The following PDS5B variants were observed in gnomAD, a reference collection of about 807,000 sequenced individuals.
The protein encoded by PDS5B is PDS5 cohesin associated factor B.
PDS5B carries 51 observed loss-of-function variants against 184.1 expected under a neutral mutation model. The ratio of observed to expected loss-of-function variants is 0.28; its 90% CI spans 0.22 to 0.35. The LOEUF (loss-of-function observed/expected upper bound fraction) is 0.35. Ranked by LOEUF, PDS5B falls within the 10% of genes least tolerant of loss-of-function variation. PDS5B has a pLI of 1.00. For missense variants in PDS5B, 1,180 were observed against 1,723.3 expected, an observed-to-expected ratio of 0.68 and a Z score of 5.58; for synonymous variants, 566 against 569.2, an observed-to-expected ratio of 0.99 and a Z score of 0.08.
chr13:32,703,702 C>T (rs961155413), intron 17 of PDS5B, among the ~76,000 whole-genome samples: 1 of 152,088 alleles, frequency 6.6e-6, no homozygotes, highest in African/African-American at 2.4e-5. Context: ...TTTTAGTCCC[C>T]TATAGTAGTC....
In PDS5B at chr13:32,775,005, T is replaced by TTTAC. The variant is rs763713881; in HGVS notation, c.4309-10_4309-9insACTT. 8 of 1,612,366 alleles carry TTTAC rather than the reference T, an allele frequency of 5.0e-6. No homozygotes were observed. In the African/African-American group the frequency reaches 6.7e-5, roughly 13 times the overall value. ...CCATTTTAATTAAGCATCTGGTGAC[T>TTTAC]TTCCTTTTAAGGTACGGCGGCGAAG... is the stretch of plus-strand genomic sequence containing the variant. On this transcript the variant is annotated splice_polypyrimidine_tract_variant and intron_variant, in intron 34 of 34. Transcript: ENST00000315596.
Position 32,770,339 on chromosome 13 carries a change from G to C in PDS5B, c.3843G>C (p.Gln1281His). The C allele has an allele frequency of 6.2e-7, 1 of 1,612,398 alleles. No individual in the cohort carries two copies. The highest frequency in any genetic ancestry group is 8.5e-7 in the Non-Finnish European group (1 of 1,179,610). ...KEDILENEDE[Q>H]NSPPKKGKRG... ...ATATATTAGAAAATGAAGATGAACAGAATAGTCCGCCAAAAAAGGGTAAAA... is the reference window on the plus strand; with the variant it reads ...ATATATTAGAAAATGAAGATGAACACAATAGTCCGCCAAAAAAGGGTAAAA... The change falls in exon 32 of 35, where the codon CAG (glutamine) becomes CAC (histidine). Residue 1281 changes from glutamine (Q) to histidine (H), a missense_variant. This residue lies in a region of PDS5B where 465 missense variants were observed against 497.8 expected (regional missense o/e 0.93). Transcript: ENST00000315596.
intron 23 of PDS5B, among the ~76,000 whole-genome samples, chr13:32,745,701 T>TA (rs1953717479): frequency 6.6e-6 from 1 of 152,030 alleles, no homozygotes; most frequent in South Asian, 2.1e-4. Flanking sequence ...GCAGAAGCGG[T>TA]AAACAAGCCC....
chr13:32,684,630 C>A (rs1220363993), intron 11 of PDS5B, among the ~76,000 whole-genome samples: 1 of 152,156 alleles, frequency 6.6e-6, no homozygotes, highest in East Asian at 1.9e-4. Flanking sequence ...ATTAGGCACT[C>A]AGGAAATACT....
intron 1 of PDS5B, among the ~76,000 whole-genome samples, chr13:32,640,972 G>A (rs1593313496): frequency 6.6e-6 from 1 of 151,556 alleles, no homozygotes; most frequent in Admixed American, 6.6e-5. Context: ...CAGGAGAATG[G>A]CGTGAACCCG....
chr13:32,770,001 C>A, intron 31 of PDS5B, 120 bp from the exon 32 acceptor site: 1 of 745,308 alleles, frequency 1.3e-6, no homozygotes, highest in South Asian at 2.1e-5. Flanking sequence ...TATTTAAGAG[C>A]TGTATATTTT....
At position 32,633,948 on chromosome 13, in the gene PDS5B, T is replaced by C. The variant is rs556781890; in HGVS notation, c.-19-14806T>C. On this transcript the variant is annotated intron_variant, in intron 1 of 34. Transcript: ENST00000315596. ...CATCTTAAAGAGCTACATTGTAATG[T>C]TATGCAATGCCTCCTGGATTTTACT... Among the ~76,000 whole-genome samples, 148 of 152,352 alleles carry C rather than the reference T, an allele frequency of 9.7e-4. 1 individual carries two copies. Among genetic ancestry groups the C allele is most frequent in the Non-Finnish European group, 1.4e-3 (94 of 68,024 alleles).
intron 19 of PDS5B, among the ~76,000 whole-genome samples, chr13:32,719,043 A>G (rs1030374807): frequency 6.6e-6 from 1 of 152,248 alleles, no homozygotes; most frequent in African/African-American, 2.4e-5. Context: ...TAAGTGTATA[A>G]CATGGATTTG....
intron 10 of PDS5B, among the ~76,000 whole-genome samples, chr13:32,679,381 C>T (rs1267128995): frequency 6.6e-6 from 1 of 152,104 alleles, no homozygotes; most frequent in Non-Finnish European, 1.5e-5. Context: ...TGTAGAAATT[C>T]TAGCTTCAGG....
At chr13:32,747,606 T>A (rs1235364332) in intron 24 of PDS5B, among the ~76,000 whole-genome samples, 3 of 143,322 alleles carry the variant, frequency 2.1e-5, no homozygotes, top group East Asian at 2.0e-4. Context: ...AAAAAAAAAA[T>A]TTGGGGGGAG....
intron 23 of PDS5B, among the ~76,000 whole-genome samples, chr13:32,743,819 T>C (rs1190134098): frequency 6.6e-6 from 1 of 152,148 alleles, no homozygotes; most frequent in Non-Finnish European, 1.5e-5. Context: ...CATGTCTCTG[T>C]TCCCCTAATT....
At chr13:32,641,687 A>G (rs141339187) in intron 1 of PDS5B, among the ~76,000 whole-genome samples, 1,803 of 152,184 alleles carry the variant, frequency 0.012, 43 homozygotes, top group African/African-American at 0.042. Context: ...CAATCACTAT[A>G]GGTATTTCAT....
At chr13:32,598,472 C>T (rs1288669926) in intron 1 of PDS5B, among the ~76,000 whole-genome samples, 2 of 151,602 alleles carry the variant, frequency 1.3e-5, no homozygotes, top group Non-Finnish European at 2.9e-5. Context: ...TTAAATATTC[C>T]ATTTTATTAA....
chr13:32,667,397 C>G (rs1345917813), intron 6 of PDS5B, among the ~76,000 whole-genome samples: 1 of 152,108 alleles, frequency 6.6e-6, no homozygotes, highest in African/African-American at 2.4e-5. Context: ...ATAGTTCATT[C>G]TCTTAGGATA....
rs1177251327 is a variant in PDS5B at position 32,655,359 on chromosome 13, CATAT to C, written c.313-2867_313-2864del. 9.6e-4 allele frequency among the ~76,000 whole-genome samples: 38 copies of C among 39,612 alleles called. 4 individuals are homozygous for C. The highest frequency in any genetic ancestry group is 6.0e-4 in the African/African-American group (4 of 6,626). 26.0% of individuals were successfully genotyped at this position (39,612 alleles called of 152,430 possible). A position where few individuals can be genotyped will look rare whatever the true frequency, so the allele number is the denominator to read the frequency against. Reference sequence around the variant, plus strand: ...AAAAGTATCTCTTCATGTTCTTTGCCATATATATATATATATTTTTTTTTTTTTT... The same window carrying C: ...AAAAGTATCTCTTCATGTTCTTTGCCATATATATATATTTTTTTTTTTTTT... On this transcript the variant is annotated intron_variant, in intron 3 of 34. Coordinates refer to ENST00000315596, the MANE Select transcript of PDS5B (RefSeq NM_015032.4).
chr13:32,744,555 A>G (rs1337287542), intron 23 of PDS5B, among the ~76,000 whole-genome samples: 1 of 152,182 alleles, frequency 6.6e-6, no homozygotes, highest in Non-Finnish European at 1.5e-5. Context: ...ACAACAAAAC[A>G]AAAAAAGTTT....
intron 1 of PDS5B, among the ~76,000 whole-genome samples, chr13:32,593,367 C>G: frequency 6.6e-6 from 1 of 152,196 alleles, no homozygotes; most frequent in East Asian, 1.9e-4. Context: ...TTACTGATAA[C>G]ATAAACAGTC....
chr13:32,715,895 G>A (rs1408907374), intron 19 of PDS5B, among the ~76,000 whole-genome samples: 2 of 152,252 alleles, frequency 1.3e-5, no homozygotes, highest in Non-Finnish European at 2.9e-5. Flanking sequence ...TCCTAACCGC[G>A]AGTGATCCGC....
intron 20 of PDS5B, among the ~76,000 whole-genome samples, chr13:32,734,885 A>G (rs1410347701): frequency 1.3e-5 from 2 of 152,192 alleles, no homozygotes; most frequent in African/African-American, 4.8e-5. Context: ...ACTATATGCT[A>G]TGAAGTCTGT....
Sources: allele counts gnomAD v4.1 joint callset (sites outside exome capture counted in the v4.1 genomes callset), GRCh38; gene constraint gnomAD v4.1.1; regional missense constraint gnomAD v4.1.1; transcripts MANE v1.5; gene names NCBI Gene and HGNC (gene_info 2026-07-23, HGNC 2026-07-21).